MFSD11: variants seen among roughly 807,000 people sequenced by gnomAD.
The protein encoded by MFSD11 is UNC93-like protein MFSD11.
A neutral mutation model predicts 53.5 loss-of-function variants in MFSD11; 36 were observed. The observed-to-expected ratio is 0.67, with a 90% CI of 0.52 to 0.89. MFSD11 has a LOEUF of 0.89. Ranked by LOEUF, MFSD11 falls within the 40% of genes least tolerant of loss-of-function variation. The probability of loss-of-function intolerance (pLI) is 0.00; values close to 1 mark genes in which losing one functional copy is unlikely to be tolerated. For synonymous variants in MFSD11, 186 were observed against 184.9 expected, an observed-to-expected ratio of 1.01 and a Z score of -0.05; for missense variants, 530 against 543.9, an observed-to-expected ratio of 0.97 and a Z score of 0.25.
downstream of MFSD11, among the ~76,000 whole-genome samples, chr17:76,783,259 A>T (rs534973820): frequency 6.6e-6 from 1 of 152,218 alleles, no homozygotes; most frequent in South Asian, 2.1e-4. Flanking sequence ...AGCTAAGTAA[A>T]TGCTGTAGCT....
chr17:76,763,007 G>A (rs1943201525), intron 8 of MFSD11, among the ~76,000 whole-genome samples: 1 of 151,964 alleles, frequency 6.6e-6, no homozygotes, highest in Admixed American at 6.6e-5. Context: ...GAAGGTTTGC[G>A]TCTTATAATT....
At chr17:76,758,693 T>C (rs1185881691) in intron 8 of MFSD11, among the ~76,000 whole-genome samples, 1 of 151,152 alleles carries the variant, frequency 6.6e-6, no homozygotes, top group East Asian at 1.9e-4. Flanking sequence ...ATTTGCAATA[T>C]GTGATAAAGA....
chr17:76,771,598 GGTTT>G (rs1279184720), intron 10 of MFSD11, among the ~76,000 whole-genome samples: 1 of 152,194 alleles, frequency 6.6e-6, no homozygotes, highest in Non-Finnish European at 1.5e-5. Context: ...GACTTTGGAG[GGTTT>G]GTTTGTTTTT....
In MFSD11 at chr17:76,776,702, G is replaced by A. The variant is rs1348185042; in HGVS notation, c.1185+161G>A. On this transcript the variant is annotated intron_variant, in intron 12 of 12. Coordinates refer to ENST00000685175, the MANE Select transcript of MFSD11 (RefSeq NM_001242532.5). This position sits in a 1 kb window ranked among gnomAD's most constrained non-coding sequence, Gnocchi z 4.2. The stretch of plus-strand genomic sequence containing the variant: ...GTCACTCAGGCTGGAGTGCAGTAGC[G>A]CAATCTTGACTCGCTGCAACCTCCG... Among the ~76,000 whole-genome samples the A allele has an allele frequency of 1.3e-5, 2 of 151,834 alleles. No individual in the cohort carries two copies. The highest frequency in any genetic ancestry group is 2.4e-5 in the African/African-American group (1 of 41,336).
chr17:76,746,901 G>A (rs1431197047), intron 7 of MFSD11, among the ~76,000 whole-genome samples: 1 of 151,952 alleles, frequency 6.6e-6, no homozygotes, highest in Non-Finnish European at 1.5e-5. Context: ...CCTGGATCAA[G>A]GAGTAATTTC....
chr17:76,765,505 T>A (rs1007734404), intron 8 of MFSD11, among the ~76,000 whole-genome samples: 2 of 135,140 alleles, frequency 1.5e-5, no homozygotes, highest in Non-Finnish European at 3.1e-5. Flanking sequence ...CTCTGCCGCC[T>A]AGGGCGGAGT....
intron 2 of MFSD11, among the ~76,000 whole-genome samples, chr17:76,739,331 A>G (rs2077822067): frequency 1.3e-5 from 2 of 152,236 alleles, no homozygotes; most frequent in African/African-American, 4.8e-5. Flanking sequence ...TGTCATGATT[A>G]GAATTCCCAG....
chr17:76,778,219 G>A lies in MFSD11; in HGVS notation c.1217G>A (p.Ser406Asn). The change falls in exon 13 of 13, where the codon AGC (serine) becomes AAC (asparagine). Residue 406 changes from serine to asparagine, a missense_variant. Transcript: ENST00000685175. ...TGCGCAGCCGTGGCATTTTTCTACA[G>A]CAACTACCTTCTCCTTCACTGGCAA... The part of the protein sequence containing the change: ...SICAAVAFFY[S>N]NYLLLHWQLL... 1 of 1,614,126 alleles carries A rather than the reference G, an allele frequency of 6.2e-7. No homozygotes were observed. The highest frequency in any genetic ancestry group is 8.5e-7 in the Non-Finnish European group (1 of 1,180,026).
rs780441634 is a variant in MFSD11, at chr17:76,767,439, A to G, written c.736A>G (p.Thr246Ala). 8.8e-6 allele frequency: 14 copies of G among 1,592,244 alleles called. No individual in the cohort carries two copies. The highest frequency in any genetic ancestry group is 1.1e-5 in the South Asian group (1 of 90,022). Reference sequence around the variant, plus strand: ...GGAGATGCTCCTTCTTAGTATTACAACTGCTTATACAGGTAATGGAATTAC... The same window carrying G: ...GGAGATGCTCCTTCTTAGTATTACAGCTGCTTATACAGGTAATGGAATTAC... ...TKEMLLLSITTAYTGLELTFF... is the reference protein window; with the variant it reads ...TKEMLLLSITAAYTGLELTFF... The change falls in exon 9 of 13, where the codon ACT (threonine) becomes GCT (alanine). Residue 246 changes from threonine to alanine, a missense_variant. Coordinates refer to ENST00000685175, the MANE Select transcript of MFSD11 (RefSeq NM_001242532.5).
At chr17:76,801,038 T>C in the MFSD11 span, among the ~76,000 whole-genome samples, 2 of 150,998 alleles carry the variant, frequency 1.3e-5, no homozygotes, top group Non-Finnish European at 2.9e-5. Context: ...GATGGCACAC[T>C]GCACTTCAGC....
chr17:76,803,348 TAGTTTAAAACA>T, the MFSD11 span, among the ~76,000 whole-genome samples: 5 of 152,240 alleles, frequency 3.3e-5, no homozygotes, highest in Non-Finnish European at 7.3e-5. Context: ...ACTTGGTTTA[TAGTTTAAAACA>T]ATGACGATAA....
chr17:76,758,538 G>A (rs757569564), intron 8 of MFSD11, among the ~76,000 whole-genome samples: 3 of 146,744 alleles, frequency 2.0e-5, no homozygotes, highest in East Asian at 2.0e-4. Flanking sequence ...AACAGTGATG[G>A]CGCCACTGCA....
intron 7 of MFSD11, chr17:76,753,059 G>A (rs1200329698): frequency 6.6e-6 from 1 of 150,976 alleles, no homozygotes; most frequent in African/African-American, 2.4e-5. Context: ...CTTGTCACAT[G>A]TTGGTTACAG....
At chr17:76,788,888 G>T in the MFSD11 span, among the ~76,000 whole-genome samples, 5 of 146,470 alleles carry the variant, frequency 3.4e-5, 1 homozygote, top group Non-Finnish European at 7.5e-5. Flanking sequence ...ATGCCTGTAA[G>T]CCCAGCACTT....
At chr17:76,794,682 T>C in the MFSD11 span, among the ~76,000 whole-genome samples, 1 of 3,448 alleles carries the variant, frequency 2.9e-4, no homozygotes, top group Non-Finnish European at 1.4e-3. Context: ...ATGTACTCTT[T>C]TTTTTTTTTT....
intron 1 of MFSD11, 149 bp from the exon 2 acceptor site, chr17:76,738,789 T>C: frequency 1.5e-6 from 1 of 664,942 alleles, no homozygotes; most frequent in African/African-American, 1.8e-5. Context: ...AGTTCTGTTG[T>C]CCTTTTTCTT....
Position 76,744,351 on chromosome 17 carries a change from C to T in MFSD11, c.526C>T (p.Leu176=). ...ESDRRTVFIA[L]TVISLVGTVL... ...TGACCGAAGAACAGTGTTTATTGCC[C>T]TAACGGTGATTAGCCTTGTGGGGAC... The change falls in exon 7 of 13, where the codon CTA becomes TTA. Residue 176 remains leucine, a synonymous_variant. Coordinates refer to ENST00000685175, the MANE Select transcript of MFSD11 (RefSeq NM_001242532.5). 1 of 1,613,934 alleles carries T rather than the reference C, an allele frequency of 6.2e-7. No homozygotes were observed. The highest frequency in any genetic ancestry group is 8.5e-7 in the Non-Finnish European group (1 of 1,179,966).
intron 8 of MFSD11, among the ~76,000 whole-genome samples, chr17:76,760,115 A>G (rs1317424157): frequency 6.6e-6 from 1 of 151,168 alleles, no homozygotes; most frequent in Non-Finnish European, 1.5e-5. Flanking sequence ...TAAAAATACA[A>G]AAATTAGCCA....
intron 1 of MFSD11, 26 bp downstream of exon 1, chr17:76,738,474 T>A: frequency 6.6e-7 from 1 of 1,517,746 alleles, no homozygotes; most frequent in South Asian, 1.1e-5. Flanking sequence ...TCCTCCCTCC[T>A]TTGAAGTGCC....
Sources: gnomAD v4.1 joint callset for allele counts (sites outside exome capture counted in the v4.1 genomes callset) on GRCh38, gnomAD v4.1.1 for gene constraint, Gnocchi (gnomAD v3.1) non-coding constraint, MANE v1.5 for transcripts, NCBI Gene and HGNC (gene_info 2026-07-23, HGNC 2026-07-21) for gene names.